Variants in HDAC9 observed in about 807,000 individuals in gnomAD.
HDAC9 encodes the protein histone deacetylase 9, also known as MEF-2 interacting transcription repressor (MITR) protein.
HDAC9 carries 41 observed loss-of-function variants against 139.4 expected under a neutral mutation model. The observed-to-expected ratio is 0.29, with a 90% CI of 0.23 to 0.38. The LOEUF (loss-of-function observed/expected upper bound fraction) is 0.38. Ranked by LOEUF, HDAC9 falls within the 10% of genes least tolerant of loss-of-function variation. The probability of loss-of-function intolerance (pLI) is 1.00; values close to 1 mark genes in which losing one functional copy is unlikely to be tolerated. For missense variants in HDAC9, 1,147 were observed against 1,297.0 expected (o/e 0.88, Z 1.78); for synonymous variants, 517 against 476.2 (o/e 1.09, Z -1.12).
intron 2 of HDAC9, among the ~76,000 whole-genome samples, chr7:18,244,363 G>A (rs1286095591): frequency 6.6e-6 from 1 of 152,156 alleles, no homozygotes; most frequent in African/African-American, 2.4e-5. Flanking sequence ...ACTGCAAAAT[G>A]CAAACAGATT....
intron 25 of HDAC9, among the ~76,000 whole-genome samples, chr7:18,979,244 C>G (rs560004358): frequency 6.6e-6 from 1 of 152,202 alleles, no homozygotes; most frequent in East Asian, 1.9e-4. Flanking sequence ...CAAGTATCAT[C>G]TACCTGAGCT....
chr7:18,672,092 G>A (rs914372985), intron 12 of HDAC9, among the ~76,000 whole-genome samples: 1 of 151,872 alleles, frequency 6.6e-6, no homozygotes, highest in African/African-American at 2.4e-5. Flanking sequence ...AAATTTCTGG[G>A]TAATATGGTA....
intron 1 of HDAC9, among the ~76,000 whole-genome samples, chr7:18,437,595 TTATA>T (rs1466563221): frequency 6.7e-6 from 1 of 149,864 alleles, no homozygotes; most frequent in East Asian, 1.9e-4. Flanking sequence ...TATATAAACT[TTATA>T]TAAAGTATGA....
At chr7:18,432,708 G>A (rs924484988) in intron 1 of HDAC9, among the ~76,000 whole-genome samples, 2 of 152,160 alleles carry the variant, frequency 1.3e-5, no homozygotes, top group African/African-American at 4.8e-5. Context: ...GTCACTTTGG[G>A]AGGCCGAGGT....
chr7:18,455,183 A>G (rs1252087960), intron 1 of HDAC9, among the ~76,000 whole-genome samples: 10 of 152,130 alleles, frequency 6.6e-5, no homozygotes, highest in Non-Finnish European at 1.3e-4. Context: ...GCTCTAAGAA[A>G]CTTAATATTC....
chr7:18,215,455 G>A (rs62449110), intron 2 of HDAC9, among the ~76,000 whole-genome samples: 47 of 152,180 alleles, frequency 3.1e-4, no homozygotes, highest in Non-Finnish European at 6.0e-4. Flanking sequence ...TACATGAAAA[G>A]TGATCTTTGC....
intron 1 of HDAC9, among the ~76,000 whole-genome samples, chr7:18,117,209 A>G (rs1345285129): frequency 6.6e-6 from 1 of 152,174 alleles, no homozygotes; most frequent in Non-Finnish European, 1.5e-5. Flanking sequence ...AGATGAGATC[A>G]TACTGGAGTA....
Position 18,713,343 on chromosome 7 carries a change from G to A in HDAC9, c.1732-14237G>A, listed in dbSNP as rs1258912245. ...TGCAGATGAGTTGATAAAAATTATT[G>A]ACCCATGAGACTAAATACAGGGACT... On this transcript the variant is annotated intron_variant, in intron 12 of 25. Transcript: ENST00000686413. Among the ~76,000 whole-genome samples the A allele has an allele frequency of 2.0e-5, 3 of 152,102 alleles. No individual in the cohort carries two copies. In the East Asian group the frequency reaches 5.8e-4, roughly 29 times the overall value.
chr7:18,784,377 C>G (rs1480175235), intron 16 of HDAC9, among the ~76,000 whole-genome samples: 1 of 151,868 alleles, frequency 6.6e-6, no homozygotes, highest in Non-Finnish European at 1.5e-5. Context: ...CAAAAGCTAG[C>G]TCAAGAATTT....
At chr7:18,607,250 TA>T (rs1835778039) in intron 6 of HDAC9, among the ~76,000 whole-genome samples, 1 of 152,212 alleles carries the variant, frequency 6.6e-6, no homozygotes, top group Non-Finnish European at 1.5e-5. Context: ...GTCAGCCTTG[TA>T]AGAACTTCGA....
intron 12 of HDAC9, among the ~76,000 whole-genome samples, chr7:18,710,876 A>G (rs951599253): frequency 1.3e-5 from 2 of 152,244 alleles, no homozygotes; most frequent in African/African-American, 4.8e-5. Flanking sequence ...GAATATATAT[A>G]TACATGTGTA....
chr7:18,936,688 A>G (rs936616904), intron 23 of HDAC9, among the ~76,000 whole-genome samples: 1 of 152,196 alleles, frequency 6.6e-6, no homozygotes, highest in African/African-American at 2.4e-5. Flanking sequence ...ATTATACAGT[A>G]GTGTTAAGAC....
At chr7:18,478,798 G>C (rs1229949798) in intron 1 of HDAC9, among the ~76,000 whole-genome samples, 1 of 152,022 alleles carries the variant, frequency 6.6e-6, no homozygotes, top group East Asian at 1.9e-4. Flanking sequence ...CCAATACTTG[G>C]TATTGTTAGA....
At chr7:18,851,626 A>G (rs773667483) in intron 21 of HDAC9, among the ~76,000 whole-genome samples, 6 of 152,168 alleles carry the variant, frequency 3.9e-5, no homozygotes, top group Non-Finnish European at 8.8e-5. Context: ...TTGCCTTCCC[A>G]TGAAACTGCG....
chr7:18,827,580 TA>T (rs1411695399), intron 17 of HDAC9, among the ~76,000 whole-genome samples: 1 of 152,216 alleles, frequency 6.6e-6, no homozygotes, highest in Non-Finnish European at 1.5e-5. Context: ...TATGTTCATT[TA>T]ATTACTAATT....
chr7:18,149,364 T>G (rs1275214590), intron 1 of HDAC9, among the ~76,000 whole-genome samples: 1 of 147,878 alleles, frequency 6.8e-6, no homozygotes, highest in Admixed American at 6.7e-5. Context: ...TCTTTTTTTT[T>G]TTTTGTTTAG....
intron 1 of HDAC9, among the ~76,000 whole-genome samples, chr7:18,095,112 A>G (rs1343305701): frequency 6.6e-6 from 1 of 152,036 alleles, no homozygotes; most frequent in Non-Finnish European, 1.5e-5. Context: ...CGAAAATCAG[A>G]CTTTCATTCT....
intron 2 of HDAC9, among the ~76,000 whole-genome samples, chr7:18,577,948 A>G (rs1826524202): frequency 6.6e-6 from 1 of 151,952 alleles, no homozygotes; most frequent in Non-Finnish European, 1.5e-5. Context: ...AAATTTAAAA[A>G]CCTTGGCAGC....
At position 18,624,341 on chromosome 7, in the gene HDAC9, G is replaced by A. The variant is rs539464342; in HGVS notation, c.665-5009G>A. ...ATTGAGGATATTTTCTTTTAGGTGA[G>A]AAGAGAAAAAGGTATTGGGTCTGTT... On this transcript the variant is annotated intron_variant, in intron 6 of 25. Transcript: ENST00000686413. Among the ~76,000 whole-genome samples the A allele has an allele frequency of 5.3e-5, 8 of 152,208 alleles. No homozygotes were observed. In the South Asian group the frequency reaches 8.3e-4, roughly 16 times the overall value.
Sources: gnomAD v4.1 joint callset for allele counts (sites outside exome capture counted in the v4.1 genomes callset) on GRCh38, gnomAD v4.1.1 for gene constraint, MANE v1.5 for transcripts, NCBI Gene and HGNC (gene_info 2026-07-23, HGNC 2026-07-21) for gene names.